Variants in POU2F2 observed in about 807,000 individuals in gnomAD.
The protein encoded by POU2F2 is POU class 2 homeobox 2, also known as POU domain, class 2, transcription factor 2.
In POU2F2, 14 loss-of-function variants were observed where a neutral mutation model predicts 63.5. The observed-to-expected ratio is 0.22, with a 90% CI of 0.15 to 0.34. POU2F2 has a LOEUF of 0.34. Ranked by LOEUF, POU2F2 falls within the 10% of genes least tolerant of loss-of-function variation. The pLI, the probability that POU2F2 is intolerant of heterozygous loss-of-function variation, is 1.00. For synonymous variants in POU2F2, 306 were observed against 348.6 expected (o/e 0.88, Z 1.36); for missense variants, 607 against 815.2 (o/e 0.74, Z 3.11).
chr19:42,158,172 C>T (rs900567057), intron 2 of POU2F2, among the ~76,000 whole-genome samples: 9 of 152,212 alleles, frequency 5.9e-5, no homozygotes, highest in African/African-American at 2.2e-4. Context: ...GATATTTTGG[C>T]AACAGCCTTC....
rs1302780998 is a variant in POU2F2 at position 42,099,739 on chromosome 19, G to T, written c.452C>A (p.Pro151Gln). 1.3e-6 allele frequency: 2 copies of T among 1,593,180 alleles called. No homozygotes were observed. Among genetic ancestry groups the T allele is most frequent in the Non-Finnish European group, 8.6e-7 (1 of 1,168,818 alleles). ...HLQPPAQFLL[P>Q]QAQQSQPGLL... ...ACCTGGCTGGCTCTGCTGGGCCTGCGGTAGCAGGAACTGAGCAGGTGGCTG... is the reference window on the plus strand; with the variant it reads ...ACCTGGCTGGCTCTGCTGGGCCTGCTGTAGCAGGAACTGAGCAGGTGGCTG... The change falls in exon 6 of 15, where the codon CCG becomes CAG. Residue 151 changes from proline to glutamine, a missense_variant. Physicochemically the swap from Pro to Gln is moderately conservative, Grantham distance 76. Coordinates refer to ENST00000692977, the MANE Select transcript of POU2F2 (RefSeq NM_001394376.1).
chr19:42,131,126 C>G (rs1202490840), intron 1 of POU2F2, among the ~76,000 whole-genome samples: 1 of 142,176 alleles, frequency 7.0e-6, no homozygotes, highest in African/African-American at 2.6e-5. Context: ...GCCTGGGCCT[C>G]CCCCATCCCA....
Position 42,172,958 on chromosome 19 carries a change from G to A in POU2F2, c.-70+3005C>T, listed in dbSNP as rs559030958. ...AAGGACAGACAAGGCTCGGTATGAG[G>A]AGGACCTTGGTTCTAGCGCCAGCAT... On this transcript the variant is annotated intron_variant, in intron 1 of 6. Transcript: ENST00000524801. Among the ~76,000 whole-genome samples, 66 of 152,326 alleles carry A rather than the reference G, an allele frequency of 4.3e-4. 1 individual carries two copies. The highest frequency in any genetic ancestry group is 3.4e-3 in the Middle Eastern group (1 of 294).
At chr19:42,158,925 T>C (rs192598319) in intron 2 of POU2F2, among the ~76,000 whole-genome samples, 1 of 152,292 alleles carries the variant, frequency 6.6e-6, no homozygotes, top group African/African-American at 2.4e-5. Context: ...TTCGGTTCCC[T>C]GGAGAAAGCA....
In POU2F2 at chr19:42,091,440, C is replaced by T. The variant is rs1290532203; in HGVS notation, c.1692G>A (p.Pro564=). 18 of 1,550,444 alleles carry T rather than the reference C, an allele frequency of 1.2e-5. No homozygotes were observed. Among genetic ancestry groups the T allele is most frequent in the East Asian group, 2.4e-5 (1 of 40,936 alleles). The change falls in exon 15 of 15, where the codon CCG becomes CCA. Residue 564 remains proline, a synonymous_variant. Transcript: ENST00000692977. ...CTGCTGAGACCAGGCCCACACCAGG[C>T]GGGGTGCTGAGCAGGGGCAGCCCAG... The part of the protein sequence containing the change: ...NHAGLPLLST[P]PGVGLVSAAA...
At chr19:42,101,457 T>C (rs1005303692) in intron 5 of POU2F2, among the ~76,000 whole-genome samples, 2 of 152,122 alleles carry the variant, frequency 1.3e-5, no homozygotes, top group African/African-American at 4.8e-5. Context: ...GGGAAGATGA[T>C]GTGAAGAGAC....
At chr19:42,098,205 G>C (rs945505247) in intron 7 of POU2F2, among the ~76,000 whole-genome samples, 13 of 152,174 alleles carry the variant, frequency 8.5e-5, no homozygotes, top group African/African-American at 3.1e-4. Flanking sequence ...CTGAAGTCAG[G>C]AGTTCGAGAC....
At chr19:42,167,074 C>A (rs537217579) in intron 1 of POU2F2, among the ~76,000 whole-genome samples, 5 of 152,288 alleles carry the variant, frequency 3.3e-5, no homozygotes, top group African/African-American at 1.2e-4. Flanking sequence ...TGGAATCCAC[C>A]TTCTAGTGGA....
At chr19:42,168,809 T>C (rs559567474) in intron 1 of POU2F2, among the ~76,000 whole-genome samples, 1 of 152,350 alleles carries the variant, frequency 6.6e-6, no homozygotes, top group Non-Finnish European at 1.5e-5. Flanking sequence ...AATCTGTGTG[T>C]TGTGCCTGAT....
intron 1 of POU2F2, among the ~76,000 whole-genome samples, chr19:42,163,940 C>T (rs12610309): frequency 0.078 from 11,913 of 152,030 alleles, 1,496 homozygotes; most frequent in East Asian, 0.62. Context: ...TCATTGACAA[C>T]GAAACCATGT....
intron 5 of POU2F2, among the ~76,000 whole-genome samples, chr19:42,112,423 G>A (rs2031247418): frequency 6.6e-6 from 1 of 152,136 alleles, no homozygotes. Flanking sequence ...AGGCTGGAGT[G>A]CAGTGGCACG....
rs60030513 is a variant in POU2F2, at chr19:42,091,094, C to CTTTTTTTTTT, written c.*153_*162dup. ...TCTCTTTTGTTGGTTAGTTTCTTTCCTTTTTTTTTTTTTTTTTGGTTGGTT... is the reference window on the plus strand; with the variant it reads ...TCTCTTTTGTTGGTTAGTTTCTTTCCTTTTTTTTTTTTTTTTTTTTTTTTTTTGGTTGGTT... On this transcript the variant is annotated 3_prime_UTR_variant, in exon 15 of 15. Transcript: ENST00000692977. The CTTTTTTTTTT allele has an allele frequency of 4.2e-5, 15 of 361,048 alleles. No homozygotes were observed. Among genetic ancestry groups the CTTTTTTTTTT allele is most frequent in the Middle Eastern group, 7.6e-4 (1 of 1,312 alleles). The allele number at this position is 361,048 out of a possible 1,614,324, so 22.4% of individuals were successfully genotyped here.
At chr19:42,135,345 A>C (rs1379828740), upstream of POU2F2, among the ~76,000 whole-genome samples, 1 of 152,066 alleles carries the variant, frequency 6.6e-6, no homozygotes, top group Non-Finnish European at 1.5e-5. Context: ...CCCTTGCTGC[A>C]TCTAAGCACA....
chr19:42,117,095 G>C lies in POU2F2; in HGVS notation c.369+155C>G. 3 of 699,668 alleles carry C rather than the reference G, an allele frequency of 4.3e-6. No individual in the cohort carries two copies. 43.3% of individuals were successfully genotyped at this position (699,668 alleles called of 1,614,324 possible). A position where few individuals can be genotyped will look rare whatever the true frequency, so the allele number is the denominator to read the frequency against. ...AGGGGTTAGTGCCTAAGCCAAGCAA[G>C]TAAGGGGACAAGACCTCCTAGAGGA... On this transcript the variant is annotated intron_variant, in intron 5 of 14. Transcript: ENST00000692977. The surrounding 1 kb of genome is among the most constrained non-coding windows in gnomAD (Gnocchi z 4.4).
upstream of POU2F2, among the ~76,000 whole-genome samples, chr19:42,135,411 A>AACCT: frequency 6.6e-6 from 1 of 152,098 alleles, no homozygotes; most frequent in South Asian, 2.1e-4. Context: ...AGGGAAAGCT[A>AACCT]ACCTAGGGAC....
intron 1 of POU2F2, among the ~76,000 whole-genome samples, chr19:42,129,926 G>A (rs772278112): frequency 2.6e-5 from 4 of 152,204 alleles, no homozygotes; most frequent in African/African-American, 7.2e-5. Flanking sequence ...GCAAGGCCCC[G>A]GCCAACACAA....
At chr19:42,129,104 A>G (rs564203410) in intron 1 of POU2F2, among the ~76,000 whole-genome samples, 5 of 152,144 alleles carry the variant, frequency 3.3e-5, no homozygotes, top group African/African-American at 1.2e-4. Flanking sequence ...AAGTGCTGGG[A>G]TTACAGGCAT....
rs759131547 is a variant in POU2F2, at chr19:42,091,280, C to T, written c.1852G>A (p.Glu618Lys). The T allele has an allele frequency of 4.2e-5, 64 of 1,533,408 alleles. No homozygotes were observed. Among genetic ancestry groups the T allele is most frequent in the South Asian group, 2.4e-4 (20 of 83,902 alleles). 95.0% of individuals were successfully genotyped at this position (1,533,408 alleles called of 1,614,324 possible). A position where few individuals can be genotyped will look rare whatever the true frequency, so the allele number is the denominator to read the frequency against. ...CCTCACTCAGGTTTGGACCCTGCCTCGGGCCCCCCTGGACCTCCAGGGGTC... is the reference window on the plus strand; with the variant it reads ...CCTCACTCAGGTTTGGACCCTGCCTTGGGCCCCCCTGGACCTCCAGGGGTC... ...AQTPGGPGGP[E>K]AGSKPE The change falls in exon 15 of 15, where the codon GAG (glutamate) becomes AAG (lysine). Residue 618 changes from glutamate (E) to lysine (K), a missense_variant. Physicochemically the swap from Glu to Lys is moderately conservative, Grantham distance 56. Around this residue, in one of 7 missense-constraint regions of POU2F2, gnomAD observed 270 missense variants for 307.5 expected, o/e 0.88. Coordinates refer to ENST00000692977, the MANE Select transcript of POU2F2 (RefSeq NM_001394376.1).
chr19:42,127,911 A>G (rs1405365703), intron 1 of POU2F2, among the ~76,000 whole-genome samples: 2 of 151,992 alleles, frequency 1.3e-5, no homozygotes, highest in African/African-American at 2.4e-5. Context: ...AGTGGCCCCA[A>G]GGTCCTGATC....
Sources: gnomAD v4.1 joint callset for allele counts (sites outside exome capture counted in the v4.1 genomes callset) on GRCh38, gnomAD v4.1.1 for gene constraint, gnomAD v4.1.1 regional missense constraint, Gnocchi (gnomAD v3.1) non-coding constraint, MANE v1.5 for transcripts, NCBI Gene and HGNC (gene_info 2026-07-23, HGNC 2026-07-21) for gene names.